The following PINX1 variants were observed in gnomAD, a reference collection of about 807,000 sequenced individuals.
PINX1 encodes the protein PIN2/TERF1-interacting telomerase inhibitor 1.
In PINX1, 34 loss-of-function variants were observed where a neutral mutation model predicts 25.4. The ratio of observed to expected loss-of-function variants is 1.34; its 90% CI spans 1.02 to 1.78. The LOEUF (loss-of-function observed/expected upper bound fraction) is 1.78, where lower values mean the gene tolerates loss of function less well. Ranked by LOEUF, PINX1 falls within the 40% of genes most tolerant of loss-of-function variation. The pLI is 0.00. For synonymous variants in PINX1, 197 were observed against 147.7 expected (o/e 1.33, Z -2.42); for missense variants, 592 against 404.9 (o/e 1.46, Z -3.97).
intron 5 of PINX1, among the ~76,000 whole-genome samples, chr8:10,821,332 A>G (rs544818711): frequency 1.8e-4 from 27 of 152,352 alleles, no homozygotes; most frequent in African/African-American, 6.5e-4. Context: ...TTAAAAAAAC[A>G]AAACACTCTT....
At chr8:10,829,709 G>T in intron 4 of PINX1, among the ~76,000 whole-genome samples, 1 of 151,402 alleles carries the variant, frequency 6.6e-6, no homozygotes, top group East Asian at 1.9e-4. Flanking sequence ...TTTGGAGATG[G>T]AGTTTCACTC....
intron 6 of PINX1, among the ~76,000 whole-genome samples, chr8:10,804,688 A>G (rs1802381640): frequency 6.6e-6 from 1 of 152,108 alleles, no homozygotes; most frequent in Admixed American, 6.5e-5. Context: ...GAAGGAATGA[A>G]AAAGCAAGAT....
At chr8:10,803,704 G>A (rs754888599) in intron 6 of PINX1, among the ~76,000 whole-genome samples, 3 of 152,136 alleles carry the variant, frequency 2.0e-5, no homozygotes, top group Non-Finnish European at 4.4e-5. Flanking sequence ...ATTATGTCAG[G>A]AGCACACAAG....
intron 6 of PINX1, among the ~76,000 whole-genome samples, chr8:10,788,952 T>C (rs1801836585): frequency 7.5e-6 from 1 of 133,990 alleles, no homozygotes; most frequent in African/African-American, 2.9e-5. Flanking sequence ...AGGAATATTA[T>C]GTAATACCAG....
rs143926728 is a variant in PINX1, at chr8:10,775,410, GTTTTTTTTTTT to G, written c.472-9505_472-9495del. Among the ~76,000 whole-genome samples the G allele has an allele frequency of 9.1e-5, 10 of 109,614 alleles. 1 individual carries two copies. The highest frequency in any genetic ancestry group is 6.7e-4 in the South Asian group (2 of 2,966). The allele number at this position is 109,614 out of a possible 152,430, so 71.9% of individuals were successfully genotyped here. ...AAGGATTAGTTCTGTCTGTTTTGTGGTTTTTTTTTTTTTTTTTTTTTTTTTTTTTTGCCTTT... is the reference window on the plus strand; with the variant it reads ...AAGGATTAGTTCTGTCTGTTTTGTGGTTTTTTTTTTTTTTTTTTTGCCTTT... On this transcript the variant is annotated intron_variant, in intron 6 of 6. Coordinates refer to ENST00000314787, the MANE Select transcript of PINX1 (RefSeq NM_017884.6).
chr8:10,771,811 A>G (rs1490935803), intron 6 of PINX1, among the ~76,000 whole-genome samples: 2 of 151,866 alleles, frequency 1.3e-5, no homozygotes, highest in Non-Finnish European at 2.9e-5. Context: ...ACATGAAACC[A>G]CCCCCTTCTC....
intron 6 of PINX1, among the ~76,000 whole-genome samples, chr8:10,766,845 G>A (rs1801066189): frequency 6.6e-6 from 1 of 152,230 alleles, no homozygotes; most frequent in African/African-American, 2.4e-5. Context: ...TAAGGGGAGA[G>A]GCTGGGATAA....
chr8:10,766,234 A>G (rs918204574), intron 6 of PINX1, among the ~76,000 whole-genome samples: 3 of 152,192 alleles, frequency 2.0e-5, no homozygotes, highest in African/African-American at 4.8e-5. Context: ...ATTCTGAGTA[A>G]ATGTCTCCCT....
At chr8:10,836,993 C>G (rs1022186339) in intron 1 of PINX1, among the ~76,000 whole-genome samples, 20 of 152,188 alleles carry the variant, frequency 1.3e-4, no homozygotes, top group African/African-American at 4.8e-4. Flanking sequence ...ATGCCACAGT[C>G]TGTTCTGTGC....
chr8:10,794,513 C>T (rs923980134), intron 6 of PINX1, among the ~76,000 whole-genome samples: 1 of 151,992 alleles, frequency 6.6e-6, no homozygotes, highest in African/African-American at 2.4e-5. Context: ...CAGCTCACTG[C>T]AACACCTCCG....
intron 6 of PINX1, among the ~76,000 whole-genome samples, chr8:10,808,385 T>C (rs1464214892): frequency 6.6e-6 from 1 of 152,252 alleles, no homozygotes; most frequent in Non-Finnish European, 1.5e-5. Context: ...GACTACAGAA[T>C]GCTCTTTCTT....
chr8:10,765,217 G>T lies in PINX1; in HGVS notation c.*184C>A. On this transcript the variant is annotated 3_prime_UTR_variant, in exon 7 of 7. Coordinates refer to ENST00000314787, the MANE Select transcript of PINX1 (RefSeq NM_017884.6). ...GAGCCACGATTGAGAACATTAAAAA[G>T]GTCCTCCTGGGAATGTAACTTGGGG... The T allele has an allele frequency of 1.8e-6, 1 of 567,350 alleles. No individual in the cohort carries two copies. The highest frequency in any genetic ancestry group is 3.0e-6 in the Non-Finnish European group (1 of 328,518). 35.1% of individuals were successfully genotyped at this position (567,350 alleles called of 1,614,324 possible).
intron 6 of PINX1, among the ~76,000 whole-genome samples, chr8:10,766,518 G>A (rs1801053853): frequency 6.6e-6 from 1 of 152,194 alleles, no homozygotes; most frequent in Non-Finnish European, 1.5e-5. Context: ...GCTCCTGAAG[G>A]GAGGGCAGAG....
chr8:10,799,057 T>C (rs973462236), intron 6 of PINX1, among the ~76,000 whole-genome samples: 2 of 152,320 alleles, frequency 1.3e-5, no homozygotes, highest in African/African-American at 4.8e-5. Flanking sequence ...CCTACTTTCT[T>C]GGGAAACTGA....
intron 6 of PINX1, among the ~76,000 whole-genome samples, chr8:10,791,206 C>T (rs1245724280): frequency 6.6e-6 from 1 of 152,184 alleles, no homozygotes; most frequent in Admixed American, 6.5e-5. Flanking sequence ...GCCATCATGC[C>T]CAGCCAAAAT....
At chr8:10,815,467 C>T (rs151073277) in intron 6 of PINX1, among the ~76,000 whole-genome samples, 205 of 152,268 alleles carry the variant, frequency 1.3e-3, no homozygotes, top group African/African-American at 4.8e-3. Context: ...TCCTACTATG[C>T]GCACAAAGAA....
At chr8:10,791,465 G>A (rs1304066803) in intron 6 of PINX1, among the ~76,000 whole-genome samples, 3 of 152,110 alleles carry the variant, frequency 2.0e-5, no homozygotes, top group Non-Finnish European at 4.4e-5. Flanking sequence ...TGGCCGTGAC[G>A]AGGGCTGAGG....
At chr8:10,818,900 T>C (rs1378042764) in intron 6 of PINX1, among the ~76,000 whole-genome samples, 2 of 152,164 alleles carry the variant, frequency 1.3e-5, no homozygotes, top group Non-Finnish European at 1.5e-5. Flanking sequence ...GGCCATGTCC[T>C]TGGTGAACAA....
intron 6 of PINX1, among the ~76,000 whole-genome samples, chr8:10,786,583 A>G (rs1801755212): frequency 6.6e-6 from 1 of 152,144 alleles, no homozygotes; most frequent in African/African-American, 2.4e-5. Flanking sequence ...AGAAGGGCTC[A>G]CCCCACAGGG....
Sources: gnomAD v4.1 joint callset for allele counts (sites outside exome capture counted in the v4.1 genomes callset) on GRCh38, gnomAD v4.1.1 for gene constraint, MANE v1.5 for transcripts, NCBI Gene and HGNC (gene_info 2026-07-23, HGNC 2026-07-21) for gene names.